The following SPON1 variants were observed in gnomAD, a reference collection of about 807,000 sequenced individuals.
SPON1 encodes spondin 1.
Under a neutral mutation model 111.7 loss-of-function variants are expected in SPON1, and 52 were observed. That is an observed-to-expected ratio of 0.47 (90% CI 0.37 to 0.59). The LOEUF is 0.59. SPON1 is among the 20% of genes least tolerant of loss of function. The pLI is 0.00. For synonymous variants in SPON1, 410 were observed against 395.8 expected (o/e 1.04, Z -0.43); for missense variants, 957 against 1,068.5 (o/e 0.90, Z 1.46).
chr11:14,059,286 G>A (rs1240219528), intron 3 of SPON1, among the ~76,000 whole-genome samples: 1 of 152,190 alleles, frequency 6.6e-6, no homozygotes, highest in Non-Finnish European at 1.5e-5. Flanking sequence ...AGGGCCCTCA[G>A]GGGGAAAGGC....
At chr11:14,053,993 T>C (rs1297628249) in intron 3 of SPON1, among the ~76,000 whole-genome samples, 2 of 152,200 alleles carry the variant, frequency 1.3e-5, no homozygotes, top group South Asian at 2.1e-4. Flanking sequence ...TCATTCTCAA[T>C]TACTAATCAA....
rs1554941147 is a variant in SPON1 at position 14,255,731 on chromosome 11, G to A, written c.1177G>A (p.Glu393Lys). Reference protein sequence around the residue: ...DHPQSPFYDPEGGSITQVARV... With the variant: ...DHPQSPFYDPKGGSITQVARV... ...TCCTCAGAGTCCTTTCTATGACCCAGAGGGTGGGTCCATCACTCAAGTAGC... is the reference window on the plus strand; with the variant it reads ...TCCTCAGAGTCCTTTCTATGACCCAAAGGGTGGGTCCATCACTCAAGTAGC... Residue 393 changes from glutamate (E) to lysine (K), a missense_variant, in exon 9 of 16, where the codon GAG becomes AAG. Transcript: ENST00000576479. 1 of 1,613,806 alleles carries A rather than the reference G, an allele frequency of 6.2e-7. No individual in the cohort carries two copies.
intron 2 of SPON1, among the ~76,000 whole-genome samples, chr11:14,033,467 G>T (rs1848573366): frequency 6.6e-6 from 1 of 152,134 alleles, no homozygotes; most frequent in Non-Finnish European, 1.5e-5. Flanking sequence ...TATCAGGGGA[G>T]ATAATCCAGA....
intron 2 of SPON1, among the ~76,000 whole-genome samples, chr11:14,027,487 A>G (rs1018081423): frequency 1.3e-5 from 2 of 152,242 alleles, no homozygotes; most frequent in African/African-American, 2.4e-5. Flanking sequence ...ATGAGCTGAC[A>G]TAGTTAATAC....
chr11:14,110,895 C>G (rs1206006834), intron 5 of SPON1, among the ~76,000 whole-genome samples: 1 of 152,202 alleles, frequency 6.6e-6, no homozygotes, highest in Admixed American at 6.5e-5. Context: ...TCACACCTGC[C>G]CTAGGCTATT....
At chr11:14,108,827 G>A (rs1447216538) in intron 5 of SPON1, among the ~76,000 whole-genome samples, 1 of 151,860 alleles carries the variant, frequency 6.6e-6, no homozygotes, top group Non-Finnish European at 1.5e-5. Flanking sequence ...ATTTCTGTTG[G>A]CCAAGGTCAG....
intron 3 of SPON1, among the ~76,000 whole-genome samples, chr11:14,046,982 T>G (rs1564893113): frequency 6.6e-6 from 1 of 152,198 alleles, no homozygotes. Flanking sequence ...CTTTGTCTTG[T>G]TGTGCTTTCT....
chr11:14,220,603 G>A (rs547785733), intron 6 of SPON1, among the ~76,000 whole-genome samples: 87 of 152,230 alleles, frequency 5.7e-4, no homozygotes, highest in African/African-American at 1.8e-3. Context: ...GACCTTAAAA[G>A]CATCTCTAAT....
In SPON1 at chr11:14,259,619, C is replaced by T; in HGVS notation, c.1749C>T (p.Arg583=). 1 of 1,560,510 alleles carries T rather than the reference C, an allele frequency of 6.4e-7. No individual in the cohort carries two copies. Among genetic ancestry groups the T allele is most frequent in the Non-Finnish European group, 8.7e-7 (1 of 1,152,390 alleles). ...GCATGGGCATGAAGAAGCGGCACCGCATGATCAAGATGAACCCCGCAGATG... is the reference window on the plus strand; with the variant it reads ...GCATGGGCATGAAGAAGCGGCACCGTATGATCAAGATGAACCCCGCAGATG... ...TCGMGMKKRH[R]MIKMNPADGS... is the part of the protein sequence containing the mutation. Residue 583 remains arginine, a synonymous_variant, in exon 13 of 16, where the codon CGC becomes CGT. Transcript: ENST00000576479. The surrounding 1 kb of genome is among the most constrained non-coding windows in gnomAD (Gnocchi z 5.0).
Position 13,986,102 on chromosome 11 carries a change from T to C in SPON1, c.345+3149T>C, listed in dbSNP as rs184246049. 1.2e-3 allele frequency among the ~76,000 whole-genome samples: 179 copies of C among 152,284 alleles called. 1 individual carries two copies. Among genetic ancestry groups the C allele is most frequent in the Admixed American group, 3.1e-3 (48 of 15,296 alleles). ...TGGGTGCTAGGCACTGAGTTAGGCA[T>C]TGGGGATAGGGTGGTGAGAAAAACA... On this transcript the variant is annotated intron_variant, in intron 2 of 15. Transcript: ENST00000576479.
At chr11:14,027,555 TG>T (rs1554915511) in intron 2 of SPON1, among the ~76,000 whole-genome samples, 1 of 152,214 alleles carries the variant, frequency 6.6e-6, no homozygotes, top group East Asian at 1.9e-4. Flanking sequence ...ACTGAGTTTT[TG>T]CTCCTTTTTC....
intron 6 of SPON1, among the ~76,000 whole-genome samples, chr11:14,205,345 C>CT (rs1340587808): frequency 6.6e-6 from 1 of 152,182 alleles, no homozygotes; most frequent in African/African-American, 2.4e-5. Context: ...CTCCATCTTC[C>CT]TCCAGGGCCT....
rs1848557942 is a variant in SPON1, at chr11:14,031,371, TG to T, written c.346-10145del. 3.3e-5 allele frequency among the ~76,000 whole-genome samples: 5 copies of T among 152,264 alleles called. No homozygotes were observed. The South Asian group carries it at 1.0e-3, about 32-fold the overall frequency. Reference sequence around the variant, plus strand: ...CTTTTGTGAAAGTTAGGCTGGAAGATGGGGGTATTTGTAGGGAAAAGGGACA... The same window carrying T: ...CTTTTGTGAAAGTTAGGCTGGAAGATGGGGTATTTGTAGGGAAAAGGGACA... On this transcript the variant is annotated intron_variant, in intron 2 of 15. Transcript: ENST00000576479.
chr11:14,087,932 G>A (rs1379999781), intron 5 of SPON1, among the ~76,000 whole-genome samples: 1 of 152,118 alleles, frequency 6.6e-6, no homozygotes, highest in Non-Finnish European at 1.5e-5. Context: ...TTGGTTTAAA[G>A]TCTGTTTTAT....
chr11:14,107,601 A>G (rs1274359044), intron 5 of SPON1, among the ~76,000 whole-genome samples: 2 of 152,112 alleles, frequency 1.3e-5, no homozygotes, highest in African/African-American at 4.8e-5. Context: ...AAAAAAAAAA[A>G]AAAAAAAAAA....
At chr11:14,215,748 C>T (rs549011224) in intron 6 of SPON1, among the ~76,000 whole-genome samples, 81 of 152,220 alleles carry the variant, frequency 5.3e-4, no homozygotes, top group African/African-American at 1.8e-3. Flanking sequence ...AAAAATATGC[C>T]GACTTAAGAT....
At chr11:14,049,554 C>T (rs1848693500) in intron 3 of SPON1, among the ~76,000 whole-genome samples, 2 of 152,224 alleles carry the variant, frequency 1.3e-5, no homozygotes, top group African/African-American at 2.4e-5. Flanking sequence ...ATCTCTCTCT[C>T]TGAACTCTGA....
chr11:14,224,297 G>A (rs1320188012), intron 6 of SPON1, among the ~76,000 whole-genome samples: 1 of 152,132 alleles, frequency 6.6e-6, no homozygotes, highest in Non-Finnish European at 1.5e-5. Flanking sequence ...GGGTACCTTG[G>A]AAGCACAGAG....
chr11:14,028,609 C>A (rs1017188173), intron 2 of SPON1, among the ~76,000 whole-genome samples: 3 of 152,134 alleles, frequency 2.0e-5, no homozygotes, highest in African/African-American at 7.2e-5. Context: ...GCATCAATCA[C>A]CTACTAGGCT....
Sources: gnomAD v4.1 joint callset for allele counts (sites outside exome capture counted in the v4.1 genomes callset) on GRCh38, gnomAD v4.1.1 for gene constraint, Gnocchi (gnomAD v3.1) non-coding constraint, MANE v1.5 for transcripts, NCBI Gene and HGNC (gene_info 2026-07-23, HGNC 2026-07-21) for gene names.